NDUFA10: variants seen among roughly 807,000 people sequenced by gnomAD.
The protein encoded by NDUFA10 is NADH:ubiquinone oxidoreductase subunit A10.
In NDUFA10, 40 loss-of-function variants were observed where a neutral mutation model predicts 47.8. The ratio of observed to expected loss-of-function variants is 0.84; its 90% CI spans 0.65 to 1.09. The LOEUF is 1.09. Ranked by LOEUF, NDUFA10 falls within the 50% of genes least tolerant of loss-of-function variation. NDUFA10 has a pLI of 0.00. For missense variants in NDUFA10, 413 were observed against 451.1 expected (o/e 0.92, Z 0.76); for synonymous variants, 183 against 172.2 (o/e 1.06, Z -0.49).
chr2:239,927,823 A>G (rs1050155685), intron 4 of NDUFA10, among the ~76,000 whole-genome samples: 3 of 152,216 alleles, frequency 2.0e-5, no homozygotes, highest in African/African-American at 7.2e-5. Flanking sequence ...GCAAAATTCT[A>G]TAAAACCACA....
intron 4 of NDUFA10, among the ~76,000 whole-genome samples, chr2:239,915,200 GAC>G (rs1341329781): frequency 4.8e-5 from 6 of 124,958 alleles, no homozygotes; most frequent in African/African-American, 1.6e-4. Context: ...CACGTATACA[GAC>G]ACACAAATAC....
intron 9 of NDUFA10, among the ~76,000 whole-genome samples, chr2:239,963,814 T>C (rs1162232205): frequency 2.0e-5 from 3 of 152,166 alleles, no homozygotes; most frequent in African/African-American, 7.2e-5. Context: ...AGAGCAGCAC[T>C]GCATGGCTGA....
chr2:239,975,873 G>A (rs193134648), intron 9 of NDUFA10, among the ~76,000 whole-genome samples: 5 of 152,204 alleles, frequency 3.3e-5, no homozygotes, highest in Non-Finnish European at 7.4e-5. Flanking sequence ...ATCCCAGACC[G>A]TCGGTTCTGT....
At chr2:239,997,007 C>T (rs1412416128) in intron 8 of NDUFA10, among the ~76,000 whole-genome samples, 1 of 151,780 alleles carries the variant, frequency 6.6e-6, no homozygotes, top group African/African-American at 2.4e-5. Flanking sequence ...AATGTAAATG[C>T]TATATAAATA....
At chr2:239,921,280 C>T (rs1049866541) in intron 4 of NDUFA10, among the ~76,000 whole-genome samples, 2 of 133,582 alleles carry the variant, frequency 1.5e-5, no homozygotes, top group Non-Finnish European at 3.4e-5. Flanking sequence ...AAGAACAAAG[C>T]CACGGACCTT....
rs770794808 is a variant in NDUFA10, at chr2:239,960,236, A to G, written c.*882T>C. 6 of 985,196 alleles carry G rather than the reference A, an allele frequency of 6.1e-6. No homozygotes were observed. The highest frequency in any genetic ancestry group is 1.1e-4 in the East Asian group (1 of 8,828). 61.0% of individuals were successfully genotyped at this position (985,196 alleles called of 1,614,324 possible). On this transcript the variant is annotated 3_prime_UTR_variant, in exon 10 of 10. Transcript: ENST00000252711. ...CACAGTTCAGTAGGACTCACAACTG[A>G]CAGCTTGATTCCTAAACCATGATGC... is the stretch of plus-strand genomic sequence containing the variant.
intron 9 of NDUFA10, among the ~76,000 whole-genome samples, chr2:239,966,407 G>A (rs1695059490): frequency 2.0e-5 from 3 of 152,156 alleles, no homozygotes; most frequent in South Asian, 4.1e-4. Flanking sequence ...GACACATGAG[G>A]GTGTGCACAC....
At chr2:240,024,772 G>T (rs1416505264) in intron 1 of NDUFA10, among the ~76,000 whole-genome samples, 1 of 152,188 alleles carries the variant, frequency 6.6e-6, no homozygotes, top group Non-Finnish European at 1.5e-5. Context: ...AATGAGAGTA[G>T]TCAGTCAGAG....
intron 9 of NDUFA10, among the ~76,000 whole-genome samples, chr2:239,967,958 A>G (rs984175944): frequency 1.4e-5 from 2 of 145,772 alleles, no homozygotes; most frequent in African/African-American, 5.0e-5. Flanking sequence ...TTCGCACAGA[A>G]ATCAGTCAAG....
At position 239,928,209 on chromosome 2, in the gene NDUFA10, A is replaced by G. The variant is rs74522084; in HGVS notation, c.295-32895T>C. Among the ~76,000 whole-genome samples, 2,768 of 149,960 alleles carry G rather than the reference A, an allele frequency of 0.018. 95 individuals carry two copies. Among genetic ancestry groups the G allele is most frequent in the African/African-American group, 0.064 (2,619 of 41,140 alleles). ...CAAAAGAAGAAAACAAATGTAACAG[A>G]AAAAAAAAGGCAGGTACCAATGCCA... On this transcript the variant is annotated intron_variant, in intron 4 of 5. Transcript: ENST00000419408. The surrounding 1 kb of genome is among the most constrained non-coding windows in gnomAD (Gnocchi z 4.3).
chr2:240,002,869 T>G (rs1387012777), intron 8 of NDUFA10, among the ~76,000 whole-genome samples: 1 of 152,154 alleles, frequency 6.6e-6, no homozygotes, highest in East Asian at 1.9e-4. Flanking sequence ...GAACTTCTTT[T>G]GAGAGACAGA....
chr2:240,024,206 A>G (rs1449753479), intron 1 of NDUFA10, among the ~76,000 whole-genome samples: 1 of 152,256 alleles, frequency 6.6e-6, no homozygotes, highest in Non-Finnish European at 1.5e-5. Flanking sequence ...TAATTGCCAA[A>G]AACTTGAAGC....
At chr2:239,910,239 C>A (rs1404405877) in intron 4 of NDUFA10, among the ~76,000 whole-genome samples, 2 of 152,194 alleles carry the variant, frequency 1.3e-5, no homozygotes, top group African/African-American at 2.4e-5. Context: ...GATTATAAAT[C>A]ATTCTATTAT....
intron 4 of NDUFA10, among the ~76,000 whole-genome samples, chr2:239,935,477 C>A (rs1694250503): frequency 6.6e-6 from 1 of 152,184 alleles, no homozygotes; most frequent in Non-Finnish European, 1.5e-5. Flanking sequence ...CCCATTTCTG[C>A]ATTTGTCCCC....
At position 239,928,756 on chromosome 2, in the gene NDUFA10, G is replaced by C. The variant is rs1694107298; in HGVS notation, c.295-33442C>G. 6.6e-6 allele frequency among the ~76,000 whole-genome samples: 1 copy of C among 152,118 alleles called. No individual in the cohort carries two copies. Among genetic ancestry groups the C allele is most frequent in the African/African-American group, 2.4e-5 (1 of 41,412 alleles). On this transcript the variant is annotated intron_variant, in intron 4 of 5. Transcript: ENST00000419408. The surrounding 1 kb of genome is among the most constrained non-coding windows in gnomAD (Gnocchi z 4.3). Reference sequence around the variant, plus strand: ...GTGCAAGGATGTCAGACCCTTCCGCGTTCCCTGCAGCGTCCCTTCCAAACA... The same window carrying C: ...GTGCAAGGATGTCAGACCCTTCCGCCTTCCCTGCAGCGTCCCTTCCAAACA...
chr2:239,991,115 G>A (rs1574856828), intron 8 of NDUFA10, among the ~76,000 whole-genome samples: 1 of 152,140 alleles, frequency 6.6e-6, no homozygotes. Flanking sequence ...CCCACGGCCT[G>A]TTCCCCACAG....
chr2:240,011,606 G>C lies in NDUFA10; in HGVS notation c.749+11C>G. 1 of 1,601,954 alleles carries C rather than the reference G, an allele frequency of 6.2e-7. No homozygotes were observed. The highest frequency in any genetic ancestry group is 2.2e-5 in the East Asian group (1 of 44,806). On this transcript the variant is annotated intron_variant, in intron 6 of 9. Coordinates refer to ENST00000252711, the MANE Select transcript of NDUFA10 (RefSeq NM_004544.4). Reference sequence around the variant, plus strand: ...TTTTAGCCCTGTAAATCAGTCGTGTGTTTGGCTCACCTCATCTCAGGGAGA... The same window carrying C: ...TTTTAGCCCTGTAAATCAGTCGTGTCTTTGGCTCACCTCATCTCAGGGAGA...
At chr2:239,976,215 A>G (rs997700668) in intron 9 of NDUFA10, among the ~76,000 whole-genome samples, 32 of 151,334 alleles carry the variant, frequency 2.1e-4, no homozygotes, top group Non-Finnish European at 2.9e-4. Flanking sequence ...CTATATTTGA[A>G]CTCCTCGGGT....
At chr2:239,997,948 G>C (rs1333457010) in intron 8 of NDUFA10, among the ~76,000 whole-genome samples, 1 of 152,126 alleles carries the variant, frequency 6.6e-6, no homozygotes, top group African/African-American at 2.4e-5. Flanking sequence ...GCATATATGG[G>C]GAGCCATGAA....
Sources: allele counts gnomAD v4.1 joint callset (sites outside exome capture counted in the v4.1 genomes callset), GRCh38; gene constraint gnomAD v4.1.1; non-coding constraint Gnocchi (gnomAD v3.1); transcripts MANE v1.5; gene names NCBI Gene and HGNC (gene_info 2026-07-23, HGNC 2026-07-21).